Variants in CIT observed in about 807,000 individuals in gnomAD.
The protein encoded by CIT is citron rho-interacting serine/threonine kinase.
CIT carries 79 observed loss-of-function variants against 272.7 expected under a neutral mutation model. The ratio of observed to expected loss-of-function variants is 0.29; its 90% confidence interval spans 0.24 to 0.35. CIT has a LOEUF of 0.35. Ranked by LOEUF, CIT falls within the 10% of genes least tolerant of loss-of-function variation. The pLI is 1.00. For synonymous variants in CIT, 948 were observed against 995.6 expected (o/e 0.95, Z 0.90); for missense variants, 1,909 against 2,618.3 (o/e 0.73, Z 5.91).
In CIT at chr12:119,712,474, C is replaced by A. The variant is rs571590216; in HGVS notation, c.4684+117G>T. 2 of 1,401,208 alleles carry A rather than the reference C, an allele frequency of 1.4e-6. No individual in the cohort carries two copies. The highest frequency in any genetic ancestry group is 2.0e-6 in the Non-Finnish European group (2 of 1,009,770). The allele number at this position is 1,401,208 out of a possible 1,614,324, so 86.8% of individuals were successfully genotyped here. ...TCCCAGTTACCGCCAAGGCGGGGAG[C>A]GGAGGAAGATGGGCCTCCTTTGCAG... On this transcript the variant is annotated intron_variant, in intron 36 of 47. Coordinates refer to ENST00000392521, the MANE Select transcript of CIT (RefSeq NM_001206999.2). The surrounding 1 kb of genome is among the most constrained non-coding windows in gnomAD (Gnocchi z 5.2).
chr12:119,707,969 C>T (rs1031425100), intron 40 of CIT, among the ~76,000 whole-genome samples: 1 of 152,202 alleles, frequency 6.6e-6, no homozygotes, highest in African/African-American at 2.4e-5. Flanking sequence ...TCCTTTATCT[C>T]CCTAGATACC....
chr12:119,760,871 A>C, intron 20 of CIT, 68 bp downstream of exon 20: 2 of 977,068 alleles, frequency 2.0e-6, no homozygotes, highest in Non-Finnish European at 3.3e-6. Context: ...GAGTCTTATC[A>C]GGGGTGATTC....
chr12:119,865,122 A>C (rs7956730), intron 3 of CIT, among the ~76,000 whole-genome samples: 16,757 of 152,228 alleles, frequency 0.11, 1,728 homozygotes, highest in African/African-American at 0.27. Flanking sequence ...GGCCTCTTAA[A>C]CACTCCCCAG....
Position 119,792,593 on chromosome 12 carries a change from C to T in CIT, c.1296-7528G>A, listed in dbSNP as rs574652918. ...CAAGCAATTCTCCTGCCTTGTCCTC[C>T]GGAGTAGTTGGGACTACAGGCACGC... On this transcript the variant is annotated intron_variant, in intron 10 of 47. Coordinates refer to ENST00000392521, the MANE Select transcript of CIT (RefSeq NM_001206999.2). 1.6e-4 allele frequency among the ~76,000 whole-genome samples: 24 copies of T among 152,108 alleles called. No individual in the cohort carries two copies. In the East Asian group the frequency reaches 3.7e-3, roughly 24 times the overall value.
chr12:119,699,204 T>C lies in CIT; in HGVS notation c.5624-1150A>G, dbSNP rs371212436. ...CCGGGAGGTAGAGGTTGCAGTGAGCTGAGATTGTGCCATTGCCCTACAGCC... is the reference window on the plus strand; with the variant it reads ...CCGGGAGGTAGAGGTTGCAGTGAGCCGAGATTGTGCCATTGCCCTACAGCC... On this transcript the variant is annotated intron_variant, in intron 44 of 47. Coordinates refer to ENST00000392521, the MANE Select transcript of CIT (RefSeq NM_001206999.2). Among the ~76,000 whole-genome samples, 3 of 139,726 alleles carry C rather than the reference T, an allele frequency of 2.1e-5. No individual in the cohort carries two copies. In the East Asian group the frequency reaches 6.2e-4, roughly 29 times the overall value. The allele number at this position is 139,726 out of a possible 152,430, so 91.7% of individuals were successfully genotyped here.
chr12:119,796,569 T>C (rs1965747823), intron 10 of CIT, among the ~76,000 whole-genome samples: 1 of 151,818 alleles, frequency 6.6e-6, no homozygotes, highest in South Asian at 2.1e-4. Context: ...AGTGAGCGAG[T>C]GGGTCTGTCT....
chr12:119,828,903 A>AAATAAACAAGTTCAG (rs1968380002), intron 7 of CIT, among the ~76,000 whole-genome samples: 2 of 152,174 alleles, frequency 1.3e-5, no homozygotes, highest in Admixed American at 1.3e-4. Flanking sequence ...ACAGGGAAGA[A>AAATAAACAAGTTCAG]AATAAACAAG....
chr12:119,783,836 CA>C (rs1964525600), intron 12 of CIT, 71 bp downstream of exon 12: 2 of 1,501,150 alleles, frequency 1.3e-6, no homozygotes, highest in East Asian at 4.5e-5. Context: ...ATGGAGCCAT[CA>C]TGAAACAGGA....
At position 119,728,612 on chromosome 12, in the gene CIT, C is replaced by G. The variant is rs779686161; in HGVS notation, c.3487-6G>C. On this transcript the variant is annotated splice_polypyrimidine_tract_variant and splice_region_variant and intron_variant, in intron 27 of 47. Coordinates refer to ENST00000392521, the MANE Select transcript of CIT (RefSeq NM_001206999.2). The surrounding 1 kb of genome is among the most constrained non-coding windows in gnomAD (Gnocchi z 4.3). ...TTCTTCTCCAGGTCATTGAGCTAGA[C>G]ATTTGGAAAGATTGGCATAATGCCA... The G allele has an allele frequency of 6.3e-7, 1 of 1,590,084 alleles. No individual in the cohort carries two copies.
intron 21 of CIT, 132 bp from the exon 22 acceptor site, chr12:119,757,677 A>T: frequency 1.7e-6 from 2 of 1,149,048 alleles, no homozygotes; most frequent in Non-Finnish European, 2.5e-6. Context: ...TTCCTGGGTT[A>T]GCTGTCTCCT....
intron 23 of CIT, among the ~76,000 whole-genome samples, chr12:119,747,713 C>T (rs556429184): frequency 8.5e-5 from 13 of 152,088 alleles, no homozygotes; most frequent in African/African-American, 2.9e-4. Flanking sequence ...AGTGAGACTC[C>T]GTCTCAAAAA....
In CIT at chr12:119,710,824, A is replaced by C; in HGVS notation, c.4855-204T>G. 1 of 651,228 alleles carries C rather than the reference A, an allele frequency of 1.5e-6. No individual in the cohort carries two copies. Among genetic ancestry groups the C allele is most frequent in the Non-Finnish European group, 2.6e-6 (1 of 380,870 alleles). The allele number at this position is 651,228 out of a possible 1,614,324, so 40.3% of individuals were successfully genotyped here. A position where few individuals can be genotyped will look rare whatever the true frequency, so the allele number is the denominator to read the frequency against. On this transcript the variant is annotated intron_variant, in intron 37 of 47. Transcript: ENST00000392521. The surrounding 1 kb of genome is among the most constrained non-coding windows in gnomAD (Gnocchi z 5.6). ...CGAGTGCTATTGGTATCTCTGGGGC[A>C]GCTGTTAATTAGCATCTGAGTTATA... is the stretch of plus-strand genomic sequence containing the variant.
At chr12:119,802,228 T>C (rs1403314945) in intron 10 of CIT, among the ~76,000 whole-genome samples, 3 of 152,074 alleles carry the variant, frequency 2.0e-5, no homozygotes, top group African/African-American at 7.2e-5. Context: ...GGGACCAGGG[T>C]GGCTGGCAAA....
chr12:119,825,469 A>G, intron 7 of CIT, 101 bp from the exon 8 acceptor site: 1 of 1,079,692 alleles, frequency 9.3e-7, no homozygotes, highest in East Asian at 2.4e-5. Flanking sequence ...GCCACTGATT[A>G]CTATTCTCCC....
intron 24 of CIT, among the ~76,000 whole-genome samples, chr12:119,738,592 A>T (rs182157290): frequency 6.6e-5 from 10 of 152,166 alleles, no homozygotes; most frequent in African/African-American, 2.4e-4. Context: ...ATATTAAAAA[A>T]AAAGATCTAA....
intron 28 of CIT, among the ~76,000 whole-genome samples, chr12:119,725,405 G>A (rs1014111033): frequency 7.9e-5 from 12 of 152,062 alleles, no homozygotes; most frequent in African/African-American, 2.9e-4. Flanking sequence ...CAGCCTGGGC[G>A]AGAGAGCAAG....
intron 19 of CIT, among the ~76,000 whole-genome samples, chr12:119,765,669 G>C (rs969428545): frequency 6.6e-6 from 1 of 151,264 alleles, no homozygotes; most frequent in African/African-American, 2.4e-5. Flanking sequence ...CAGGGGTCTC[G>C]TCAAGTTGCC....
In CIT at chr12:119,714,171, C is replaced by T. The variant is rs756178838; in HGVS notation, c.4306+26G>A. The T allele has an allele frequency of 1.9e-5, 30 of 1,613,272 alleles. No homozygotes were observed. In the East Asian group the frequency reaches 6.7e-4, roughly 36 times the overall value. ...AAGCTGGAGATGCACAGGTGCCCAGCACAGATGCACAACTACTGATCTTAC... is the reference window on the plus strand; with the variant it reads ...AAGCTGGAGATGCACAGGTGCCCAGTACAGATGCACAACTACTGATCTTAC... On this transcript the variant is annotated intron_variant, in intron 33 of 47. Coordinates refer to ENST00000392521, the MANE Select transcript of CIT (RefSeq NM_001206999.2).
At chr12:119,754,129 T>C (rs569507901) in intron 22 of CIT, among the ~76,000 whole-genome samples, 84 of 152,312 alleles carry the variant, frequency 5.5e-4, no homozygotes, top group African/African-American at 2.0e-3. Context: ...ATTAACTCAT[T>C]TCATTTTCAG....
Sources: allele counts gnomAD v4.1 joint callset (sites outside exome capture counted in the v4.1 genomes callset), GRCh38; gene constraint gnomAD v4.1.1; non-coding constraint Gnocchi (gnomAD v3.1); transcripts MANE v1.5; gene names NCBI Gene and HGNC (gene_info 2026-07-23, HGNC 2026-07-21).